The following SAE1 variants were observed in gnomAD, a reference collection of about 807,000 sequenced individuals.
SAE1 encodes SUMO-activating enzyme subunit 1.
A neutral mutation model predicts 40.6 loss-of-function variants in SAE1; 11 were observed. The observed-to-expected ratio is 0.27, with a 90% CI of 0.17 to 0.45. SAE1 has a LOEUF of 0.45. Ranked by LOEUF, SAE1 falls within the 20% of genes least tolerant of loss-of-function variation. The pLI, the probability that SAE1 is intolerant of heterozygous loss-of-function variation, is 1.00. For missense variants in SAE1, 373 were observed against 427.3 expected (o/e 0.87, Z 1.12); for synonymous variants, 155 against 154.3 (o/e 1.00, Z -0.03).
chr19:47,174,111 G>A (rs1243278819), intron 6 of SAE1, among the ~76,000 whole-genome samples: 5 of 151,890 alleles, frequency 3.3e-5, no homozygotes, highest in African/African-American at 4.8e-5. Flanking sequence ...ATCCCTCAGT[G>A]GGTATTATGG....
chr19:47,192,370 T>A (rs2058584253), intron 6 of SAE1, among the ~76,000 whole-genome samples: 1 of 151,668 alleles, frequency 6.6e-6, no homozygotes, highest in Admixed American at 6.6e-5. Context: ...TGCCTCAGGC[T>A]CCCGAGTAGC....
intron 6 of SAE1, among the ~76,000 whole-genome samples, chr19:47,180,531 T>C (rs1056012700): frequency 2.0e-5 from 3 of 151,866 alleles, no homozygotes; most frequent in Admixed American, 6.6e-5. Context: ...AGATGTTTCC[T>C]TATCAGATGC....
intron 6 of SAE1, among the ~76,000 whole-genome samples, chr19:47,175,176 G>A (rs2058461782): frequency 7.8e-6 from 1 of 127,624 alleles, no homozygotes; most frequent in African/African-American, 2.9e-5. Context: ...ATTTCAGGAT[G>A]CAGGGTGGCT....
rs1471248887 is a variant in SAE1, at chr19:47,152,916, T to C, written c.403T>C (p.Ser135Pro). Residue 135 changes from serine to proline, a missense_variant, in exon 4 of 9, where the codon TCC becomes CCC. By Grantham distance (74) the Ser-to-Pro change is moderately conservative. Transcript: ENST00000270225. ...QFDAVCLTCC[S>P]RDVIVKVDQI... is the part of the protein sequence containing the mutation. ...TCTGCAGGTGTGTCTGACTTGCTGCTCCAGGGATGTCATAGTTAAAGTTGA... is the reference window on the plus strand; with the variant it reads ...TCTGCAGGTGTGTCTGACTTGCTGCCCCAGGGATGTCATAGTTAAAGTTGA... 1 of 1,611,820 alleles carries C rather than the reference T, an allele frequency of 6.2e-7. No homozygotes were observed. Among genetic ancestry groups the C allele is most frequent in the Non-Finnish European group, 8.5e-7 (1 of 1,179,880 alleles).
chr19:47,176,249 T>C (rs1421421609), intron 6 of SAE1, among the ~76,000 whole-genome samples: 1 of 152,260 alleles, frequency 6.6e-6, no homozygotes, highest in East Asian at 1.9e-4. Context: ...TACCGTCATC[T>C]ATGACCAGTC....
At position 47,131,697 on chromosome 19, in the gene SAE1, CT is replaced by C. The variant is rs554165710; in HGVS notation, c.98+692del. Among the ~76,000 whole-genome samples, 721 of 84,138 alleles carry C rather than the reference CT, an allele frequency of 8.6e-3. 12 individuals carry two copies. Among genetic ancestry groups the C allele is most frequent in the Admixed American group, 0.063 (436 of 6,960 alleles). The allele number at this position is 84,138 out of a possible 152,430, so 55.2% of individuals were successfully genotyped here. ...GCATTGTGGAGTAGCTTAGGGAATT[CT>C]TTTTTTTTTTTTTTTTTTTTTTGAG... is the stretch of plus-strand genomic sequence containing the variant. On this transcript the variant is annotated intron_variant, in intron 1 of 8. Coordinates refer to ENST00000270225, the MANE Select transcript of SAE1 (RefSeq NM_005500.3).
intron 6 of SAE1, among the ~76,000 whole-genome samples, chr19:47,180,982 G>A (rs902966835): frequency 4.6e-5 from 7 of 152,052 alleles, no homozygotes; most frequent in African/African-American, 1.2e-4. Flanking sequence ...AATAGAGGAA[G>A]GTTTTTTTTC....
intron 7 of SAE1, among the ~76,000 whole-genome samples, chr19:47,201,762 T>C (rs1276031154): frequency 1.3e-5 from 2 of 151,864 alleles, no homozygotes; most frequent in Non-Finnish European, 2.9e-5. Context: ...GCCTCCCGAG[T>C]ATCTGGCATT....
At chr19:47,171,438 G>T (rs1305510307) in intron 6 of SAE1, among the ~76,000 whole-genome samples, 2 of 151,208 alleles carry the variant, frequency 1.3e-5, no homozygotes, top group Non-Finnish European at 2.9e-5. Context: ...AAATACAGGC[G>T]GGCACCACCA....
intron 5 of SAE1, among the ~76,000 whole-genome samples, chr19:47,164,433 C>CT (rs1568595580): frequency 6.6e-6 from 1 of 151,916 alleles, no homozygotes; most frequent in East Asian, 1.9e-4. Context: ...TCCCAAAGTG[C>CT]TGGGATTACA....
In SAE1 at chr19:47,169,922, A is replaced by T. The variant is rs1472490811; in HGVS notation, c.732A>T (p.Gln244His). The change falls in exon 6 of 9, where the codon CAA becomes CAT. Residue 244 changes from glutamine to histidine, a missense_variant and splice_region_variant. Around this residue, in one of 3 missense-constraint regions of SAE1, gnomAD observed 351 missense variants for 390.6 expected, o/e 0.90. Transcript: ENST00000270225. Reference protein sequence around the residue: ...KRTTSDYFLLQVLLKFRTDKG... With the variant: ...KRTTSDYFLLHVLLKFRTDKG... ...CGACCTCCGACTACTTTCTCCTTCA[A>T]GGTGAGGTCTCAAAGCACAACTTAC... 2 of 1,611,826 alleles carry T rather than the reference A, an allele frequency of 1.2e-6. No homozygotes were observed. The highest frequency in any genetic ancestry group is 8.5e-7 in the Non-Finnish European group (1 of 1,178,012).
chr19:47,190,478 C>T (rs937141796), intron 6 of SAE1, among the ~76,000 whole-genome samples: 2 of 152,252 alleles, frequency 1.3e-5, no homozygotes, highest in Non-Finnish European at 2.9e-5. Context: ...TTCCTGCCCC[C>T]CTCCACTGCT....
chr19:47,174,853 G>T (rs1404933168), intron 6 of SAE1, among the ~76,000 whole-genome samples: 1 of 151,630 alleles, frequency 6.6e-6, no homozygotes, highest in Non-Finnish European at 1.5e-5. Context: ...GATTACAGGC[G>T]TGAGCCACCG....
At chr19:47,183,627 A>G (rs1263259194) in intron 6 of SAE1, among the ~76,000 whole-genome samples, 3 of 151,972 alleles carry the variant, frequency 2.0e-5, no homozygotes, top group African/African-American at 4.8e-5. Context: ...TAGCAGGCCC[A>G]CATCTCCCCC....
At chr19:47,133,505 G>A (rs567078847) in intron 1 of SAE1, among the ~76,000 whole-genome samples, 3 of 152,306 alleles carry the variant, frequency 2.0e-5, no homozygotes, top group Admixed American at 6.5e-5. Context: ...GATTACAGGC[G>A]TGAGCCACTG....
At chr19:47,133,396 TG>T (rs781235835) in intron 1 of SAE1, among the ~76,000 whole-genome samples, 5 of 152,202 alleles carry the variant, frequency 3.3e-5, no homozygotes, top group Non-Finnish European at 5.9e-5. Flanking sequence ...CGGCTAATCT[TG>T]AGTATTTTTA....
rs1252082812 is a variant in SAE1 at position 47,163,553 on chromosome 19, C to A, written c.628-6265C>A. On this transcript the variant is annotated intron_variant, in intron 5 of 8. Transcript: ENST00000270225. ...GACCAGCCTGGCCAACATGGTGAAA[C>A]CCCATCTCTAACAGAAATACAAAAT... Among the ~76,000 whole-genome samples, 3 of 151,944 alleles carry A rather than the reference C, an allele frequency of 2.0e-5. 1 individual carries two copies. In the South Asian group the frequency reaches 6.2e-4, roughly 32 times the overall value.
chr19:47,167,564 A>C (rs953695662), intron 5 of SAE1, among the ~76,000 whole-genome samples: 1 of 152,074 alleles, frequency 6.6e-6, no homozygotes, highest in African/African-American at 2.4e-5. Flanking sequence ...TTATCTGTCA[A>C]ATCTATATGC....
At chr19:47,166,086 C>G (rs965168706) in intron 5 of SAE1, among the ~76,000 whole-genome samples, 4 of 152,190 alleles carry the variant, frequency 2.6e-5, no homozygotes, top group African/African-American at 9.7e-5. Context: ...CAGACAACCC[C>G]AAGCTTCTCA....
Sources: allele counts gnomAD v4.1 joint callset (sites outside exome capture counted in the v4.1 genomes callset), GRCh38; gene constraint gnomAD v4.1.1; regional missense constraint gnomAD v4.1.1; transcripts MANE v1.5; gene names NCBI Gene and HGNC (gene_info 2026-07-23, HGNC 2026-07-21).